UNC13C: variants seen among roughly 807,000 people sequenced by gnomAD.
UNC13C encodes unc-13 homolog C.
UNC13C carries 174 observed loss-of-function variants against 245.4 expected under a neutral mutation model. That is an observed-to-expected ratio of 0.71 (90% CI 0.63 to 0.80). UNC13C has a LOEUF of 0.80. Among genes scored for constraint, UNC13C ranks in the 30% least tolerant of loss-of-function variants. UNC13C has a pLI of 0.00. For missense variants in UNC13C, 2,829 were observed against 2,602.9 expected (o/e 1.09, Z -1.89); for synonymous variants, 992 against 895.1 (o/e 1.11, Z -1.93).
the UNC13C span, among the ~76,000 whole-genome samples, chr15:53,928,292 T>C: frequency 2.0e-5 from 3 of 152,240 alleles, no homozygotes; most frequent in Admixed American, 1.3e-4. Context: ...AATGAAGGGA[T>C]GGGCCAAATT....
intron 8 of UNC13C, among the ~76,000 whole-genome samples, chr15:54,252,238 ATTC>A (rs1316729086): frequency 1.3e-5 from 2 of 151,698 alleles, no homozygotes; most frequent in African/African-American, 2.4e-5. Context: ...TACGAAATGA[ATTC>A]TTCTTCTAGT....
chr15:54,588,009 A>G (rs961832446), intron 30 of UNC13C, among the ~76,000 whole-genome samples: 4 of 152,216 alleles, frequency 2.6e-5, no homozygotes, highest in Non-Finnish European at 5.9e-5. Flanking sequence ...TTTTAGTCTC[A>G]GGAAGATGGG....
In UNC13C at chr15:54,014,622, T is replaced by C; in HGVS notation, c.1719T>C (p.Thr573=). 1 of 1,613,722 alleles carries C rather than the reference T, an allele frequency of 6.2e-7. No homozygotes were observed. The highest frequency in any genetic ancestry group is 8.5e-7 in the Non-Finnish European group (1 of 1,179,790). Residue 573 remains threonine, a synonymous_variant, in exon 2 of 33, where the codon ACT becomes ACC. Coordinates refer to ENST00000260323, the MANE Select transcript of UNC13C (RefSeq NM_001080534.3). ...DFSENQFFTR[T]NGSSLLSSSD... The stretch of plus-strand genomic sequence containing the variant: ...CAGAAAATCAGTTTTTCACTAGAAC[T>C]AATGGAAGCTCTCTCCTGTCATCTT...
intron 19 of UNC13C, among the ~76,000 whole-genome samples, chr15:54,426,525 A>T (rs911596490): frequency 4.6e-5 from 7 of 151,568 alleles, no homozygotes; most frequent in Non-Finnish European, 7.4e-5. Context: ...AATCTCTTAT[A>T]ACCCAATCAC....
chr15:53,891,748 G>A, the UNC13C span, among the ~76,000 whole-genome samples: 11,171 of 152,232 alleles, frequency 0.073, 500 homozygotes, highest in South Asian at 0.19. Context: ...TTGAGCCTAT[G>A]TGTGTCAATG....
intron 2 of UNC13C, among the ~76,000 whole-genome samples, chr15:54,114,005 C>T (rs1283028474): frequency 6.6e-6 from 1 of 152,138 alleles, no homozygotes; most frequent in East Asian, 1.9e-4. Context: ...TTACTTTGTG[C>T]ATTTACTCAG....
chr15:54,062,952 A>G (rs997917110), intron 2 of UNC13C, among the ~76,000 whole-genome samples: 1 of 152,198 alleles, frequency 6.6e-6, no homozygotes, highest in African/African-American at 2.4e-5. Flanking sequence ...ACGAATGCTC[A>G]TTGGTCTTGA....
At chr15:54,529,146 G>C (rs1054748028) in intron 25 of UNC13C, among the ~76,000 whole-genome samples, 1 of 152,168 alleles carries the variant, frequency 6.6e-6, no homozygotes, top group African/African-American at 2.4e-5. Flanking sequence ...GCCCAGAGGG[G>C]CAAGAATGGT....
chr15:53,968,777 A>G, the UNC13C span, among the ~76,000 whole-genome samples: 2 of 152,200 alleles, frequency 1.3e-5, no homozygotes, highest in African/African-American at 4.8e-5. Context: ...CAAACTGGAA[A>G]GAGTCCAGTT....
At chr15:53,989,533 CA>C (rs1025391812) in intron 1 of UNC13C, among the ~76,000 whole-genome samples, 16 of 152,000 alleles carry the variant, frequency 1.1e-4, no homozygotes, top group African/African-American at 3.6e-4. Context: ...TCTTCTTTGG[CA>C]AATGTAGGAT....
chr15:54,594,967 G>T (rs1382296737), intron 30 of UNC13C, among the ~76,000 whole-genome samples: 1 of 152,220 alleles, frequency 6.6e-6, no homozygotes, highest in African/African-American at 2.4e-5. Context: ...TGGTTTACAA[G>T]CTCTTTGTTC....
At chr15:54,083,262 G>T (rs553953660) in intron 2 of UNC13C, among the ~76,000 whole-genome samples, 155 of 152,202 alleles carry the variant, frequency 1.0e-3, no homozygotes, top group East Asian at 3.7e-3. Context: ...TTGTTCTTTG[G>T]CTCCCAGCTG....
chr15:53,864,293 G>A, the UNC13C span, among the ~76,000 whole-genome samples: 1 of 152,236 alleles, frequency 6.6e-6, no homozygotes, highest in East Asian at 1.9e-4. Context: ...TCACAAATGA[G>A]TATTTTCTTC....
chr15:54,140,430 C>G (rs765164830), intron 2 of UNC13C, among the ~76,000 whole-genome samples: 1 of 152,096 alleles, frequency 6.6e-6, no homozygotes, highest in Non-Finnish European at 1.5e-5. Flanking sequence ...AAAAAACAGA[C>G]TACCATCAAG....
chr15:54,342,519 C>T (rs1321913429), intron 17 of UNC13C, among the ~76,000 whole-genome samples: 1 of 151,574 alleles, frequency 6.6e-6, no homozygotes, highest in Non-Finnish European at 1.5e-5. Flanking sequence ...TATGATTGCT[C>T]CACTGCATTC....
At chr15:54,061,003 A>G (rs2141076170) in intron 2 of UNC13C, among the ~76,000 whole-genome samples, 1 of 152,242 alleles carries the variant, frequency 6.6e-6, no homozygotes, top group East Asian at 1.9e-4. Context: ...GCATTAGGAG[A>G]TATACCTAAT....
chr15:54,293,797 T>C (rs1035605502), intron 10 of UNC13C, 98 bp from the exon 11 acceptor site: 2 of 1,010,534 alleles, frequency 2.0e-6, no homozygotes, highest in East Asian at 6.1e-5. Flanking sequence ...ATGTAGTATA[T>C]TATGCCTTTC....
chr15:54,628,949 T>TATCA (rs1555404922), downstream of UNC13C: 1 of 148,644 alleles, frequency 6.7e-6, no homozygotes, highest in African/African-American at 2.6e-5. Context: ...GCCAAAGGAA[T>TATCA]ATCAAACAAA....
chr15:54,333,987 C>A, intron 16 of UNC13C, 131 bp downstream of exon 16: 3 of 606,304 alleles, frequency 4.9e-6, no homozygotes, highest in Non-Finnish European at 8.7e-6. Context: ...ACTATCTTTG[C>A]CTGAACTCGA....
Sources: gnomAD v4.1 joint callset for allele counts (sites outside exome capture counted in the v4.1 genomes callset) on GRCh38, gnomAD v4.1.1 for gene constraint, MANE v1.5 for transcripts, NCBI Gene and HGNC (gene_info 2026-07-23, HGNC 2026-07-21) for gene names.